The following TOX2 variants were observed in gnomAD, a reference collection of about 807,000 sequenced individuals.
TOX2 encodes TOX high mobility group box family member 2, also known as granulosa cell HMG box 1.
A neutral mutation model predicts 47.4 loss-of-function variants in TOX2; 15 were observed. The ratio of observed to expected loss-of-function variants is 0.32; its 90% CI spans 0.21 to 0.49. The LOEUF is 0.49. Among genes scored for constraint, TOX2 ranks in the 20% least tolerant of loss-of-function variants. TOX2 has a pLI of 0.99. For missense variants in TOX2, 622 were observed against 673.1 expected (o/e 0.92, Z 0.84); for synonymous variants, 290 against 296.6 (o/e 0.98, Z 0.23).
intron 3 of TOX2, among the ~76,000 whole-genome samples, chr20:44,014,554 C>T (rs1445933832): frequency 1.3e-5 from 2 of 152,124 alleles, no homozygotes; most frequent in East Asian, 3.9e-4. Context: ...CAAACCCCAG[C>T]TCCCCTCCTT....
intron 1 of TOX2, among the ~76,000 whole-genome samples, chr20:43,961,768 C>T (rs927776939): frequency 2.6e-5 from 4 of 152,014 alleles, no homozygotes; most frequent in South Asian, 2.1e-4. Flanking sequence ...ACTCTGGGGA[C>T]GTGGGGAGTG....
At chr20:44,067,975 C>T (rs535034642) in intron 8 of TOX2, among the ~76,000 whole-genome samples, 1 of 152,200 alleles carries the variant, frequency 6.6e-6, no homozygotes, top group Non-Finnish European at 1.5e-5. Context: ...CCTCCCAGCA[C>T]ACGGCTGGTT....
intron 2 of TOX2, among the ~76,000 whole-genome samples, chr20:43,981,450 T>A (rs954874343): frequency 1.3e-5 from 2 of 152,200 alleles, no homozygotes; most frequent in African/African-American, 4.8e-5. Flanking sequence ...TGCATTTGAT[T>A]AAATAACCTT....
intron 5 of TOX2, among the ~76,000 whole-genome samples, chr20:44,061,247 C>T (rs1267031993): frequency 6.6e-6 from 1 of 151,660 alleles, no homozygotes; most frequent in Non-Finnish European, 1.5e-5. Flanking sequence ...AAGTTACCAA[C>T]AAAAAAAGGC....
intron 1 of TOX2, among the ~76,000 whole-genome samples, chr20:43,935,927 C>CAAAAAAA (rs58300627): frequency 1.4e-5 from 1 of 72,032 alleles, no homozygotes; most frequent in Admixed American, 1.8e-4. Context: ...AACTCCATCC[C>CAAAAAAA]AAAAAAAAAA....
chr20:43,990,339 G>A (rs892806519), intron 2 of TOX2, among the ~76,000 whole-genome samples: 2 of 152,198 alleles, frequency 1.3e-5, no homozygotes, highest in African/African-American at 4.8e-5. Flanking sequence ...AGTTCAGAGT[G>A]GATGCTTACT....
chr20:44,014,273 C>T (rs763377812), intron 3 of TOX2, among the ~76,000 whole-genome samples: 4 of 151,994 alleles, frequency 2.6e-5, no homozygotes, highest in Admixed American at 6.6e-5. Flanking sequence ...AACCTCTGCA[C>T]GCATCCTATT....
chr20:43,980,688 T>C (rs572345796), intron 2 of TOX2, among the ~76,000 whole-genome samples: 2 of 152,114 alleles, frequency 1.3e-5, no homozygotes, highest in Non-Finnish European at 2.9e-5. Flanking sequence ...AAATCAAACA[T>C]TTAAACATAC....
chr20:43,971,583 C>T (rs2145468808), intron 1 of TOX2, among the ~76,000 whole-genome samples: 1 of 152,316 alleles, frequency 6.6e-6, no homozygotes, highest in South Asian at 2.1e-4. Flanking sequence ...CAGTTGGATC[C>T]AGCAATTACA....
At chr20:44,020,586 A>C (rs1240070667) in intron 3 of TOX2, among the ~76,000 whole-genome samples, 3 of 152,230 alleles carry the variant, frequency 2.0e-5, no homozygotes, top group Non-Finnish European at 4.4e-5. Flanking sequence ...AAGACAGACT[A>C]CTGCTGAGCT....
At chr20:43,945,919 C>T (rs751555431) in intron 1 of TOX2, 25 of 1,612,958 alleles carry the variant, frequency 1.5e-5, no homozygotes, top group African/African-American at 6.7e-5. Context: ...GATTATGCAG[C>T]AGACTCGCAC....
intron 2 of TOX2, among the ~76,000 whole-genome samples, chr20:43,982,920 G>T (rs918051080): frequency 6.6e-6 from 1 of 151,676 alleles, no homozygotes; most frequent in African/African-American, 2.4e-5. Flanking sequence ...GGGAAATAGG[G>T]TACTTTGTTC....
At chr20:43,932,169 G>C (rs2069260380) in intron 1 of TOX2, among the ~76,000 whole-genome samples, 1 of 152,156 alleles carries the variant, frequency 6.6e-6, no homozygotes, top group Non-Finnish European at 1.5e-5. Flanking sequence ...CCTGATTTCT[G>C]CTGACCTGTC....
chr20:44,048,872 T>G (rs983409321), intron 3 of TOX2, among the ~76,000 whole-genome samples: 1 of 152,222 alleles, frequency 6.6e-6, no homozygotes, highest in African/African-American at 2.4e-5. Context: ...TGGTGGCTCA[T>G]GCCTATAAAA....
chr20:43,998,630 G>T (rs947518278), intron 2 of TOX2, among the ~76,000 whole-genome samples: 1 of 152,066 alleles, frequency 6.6e-6, no homozygotes, highest in Non-Finnish European at 1.5e-5. Context: ...TGACTTAAGT[G>T]TTCCTTTTGA....
Position 44,068,638 on chromosome 20 carries a change from T to C in TOX2, c.1485-12T>C. On this transcript the variant is annotated splice_polypyrimidine_tract_variant and intron_variant, in intron 8 of 8. Coordinates refer to ENST00000341197, the MANE Select transcript of TOX2 (RefSeq NM_001098797.2). ...ACCCAACAGCTTTGACAGCCCCTCC[T>C]CTCTCTCACAGCCTGCTCCCCAGGG... The C allele has an allele frequency of 1.9e-6, 3 of 1,608,848 alleles. No homozygotes were observed. Among genetic ancestry groups the C allele is most frequent in the South Asian group, 1.1e-5 (1 of 90,858 alleles).
At chr20:44,005,769 C>T (rs2070668524) in intron 2 of TOX2, among the ~76,000 whole-genome samples, 1 of 152,156 alleles carries the variant, frequency 6.6e-6, no homozygotes. Flanking sequence ...CACTTTGACC[C>T]ACCAGGAGGT....
intron 1 of TOX2, among the ~76,000 whole-genome samples, chr20:43,947,487 G>A (rs746222748): frequency 2.0e-5 from 3 of 152,174 alleles, no homozygotes; most frequent in Non-Finnish European, 4.4e-5. Context: ...GGCTCACAAC[G>A]GCATGTGTTT....
intron 3 of TOX2, 68 bp from the exon 4 acceptor site, chr20:44,051,238 T>C: frequency 6.5e-7 from 1 of 1,532,362 alleles, no homozygotes; most frequent in Non-Finnish European, 8.8e-7. Context: ...CTAAGTCCGC[T>C]AGCACAGATG....
Sources: allele counts gnomAD v4.1 joint callset (sites outside exome capture counted in the v4.1 genomes callset), GRCh38; gene constraint gnomAD v4.1.1; transcripts MANE v1.5; gene names NCBI Gene and HGNC (gene_info 2026-07-23, HGNC 2026-07-21).